The following DCAF16 variants were observed in gnomAD, a reference collection of about 807,000 sequenced individuals.
DCAF16 encodes DDB1- and CUL4-associated factor 16.
In DCAF16, 10 loss-of-function variants were observed where a neutral mutation model predicts 17.3. The ratio of observed to expected loss-of-function variants is 0.58; its 90% CI spans 0.36 to 0.98. The LOEUF (loss-of-function observed/expected upper bound fraction) is 0.98. Among genes scored for constraint, DCAF16 ranks in the 50% least tolerant of loss-of-function variants. The pLI is 0.01. For missense variants in DCAF16, 249 were observed against 247.6 expected (o/e 1.01, Z -0.04); for synonymous variants, 111 against 92.8 (o/e 1.20, Z -1.12).
At chr4:17,793,567 A>G in the DCAF16 span, among the ~76,000 whole-genome samples, 1 of 152,148 alleles carries the variant, frequency 6.6e-6, no homozygotes, top group South Asian at 2.1e-4. Context: ...TAAAAAAAAG[A>G]AGAAGTACAT....
chr4:17,793,817 A>C, the DCAF16 span, among the ~76,000 whole-genome samples: 791 of 152,332 alleles, frequency 5.2e-3, 6 homozygotes, highest in Non-Finnish European at 9.2e-3. Context: ...ACTTATGATT[A>C]GTGCACTCTA....
rs151081110 is a variant in DCAF16 at position 17,807,499 on chromosome 4, C to T, written c.-749-2274G>A. Among the ~76,000 whole-genome samples, 1,007 of 152,238 alleles carry T rather than the reference C, an allele frequency of 6.6e-3. 16 individuals are homozygous for T. The highest frequency in any genetic ancestry group is 0.023 in the African/African-American group (967 of 41,528). On this transcript the variant is annotated intron_variant, in intron 1 of 2. Coordinates refer to ENST00000382247, the MANE Select transcript of DCAF16 (RefSeq NM_017741.4). ...GGGATTGCAGAGTGGAGTAACTGTT[C>T]GGAAGAACAGTCCGGCAGCACTACT...
At chr4:17,807,456 G>A (rs773184981) in intron 1 of DCAF16, among the ~76,000 whole-genome samples, 22 of 152,184 alleles carry the variant, frequency 1.4e-4, no homozygotes, top group Non-Finnish European at 2.4e-4. Flanking sequence ...GTTCTTTTTT[G>A]GAACTGGCAC....
downstream of DCAF16, among the ~76,000 whole-genome samples, chr4:17,797,448 C>G (rs1402349170): frequency 6.6e-6 from 1 of 152,170 alleles, no homozygotes; most frequent in South Asian, 2.1e-4. Context: ...CACAGAAAAA[C>G]TGCATTCAAA....
rs1478006250 is a variant in DCAF16 at position 17,800,822 on chromosome 4, G to C, written c.*2669C>G. 2.0e-5 allele frequency: 3 copies of C among 152,354 alleles called. No individual in the cohort carries two copies. Among genetic ancestry groups the C allele is most frequent in the African/African-American group, 7.3e-5 (3 of 41,336 alleles). The allele number at this position is 152,354 out of a possible 1,614,324, so 9.4% of individuals were successfully genotyped here. A position where few individuals can be genotyped will look rare whatever the true frequency, so the allele number is the denominator to read the frequency against. ...GAACATAAACATATTTTAATATTCA[G>C]ACCTCTTCCCTACCTCCTCCCACCT... is the stretch of plus-strand genomic sequence containing the variant. On this transcript the variant is annotated 3_prime_UTR_variant, in exon 3 of 3. Transcript: ENST00000382247.
chr4:17,802,053 G>A lies in DCAF16; in HGVS notation c.*1438C>T, dbSNP rs1719838372. 7.6e-6 allele frequency: 1 copy of A among 131,934 alleles called. No individual in the cohort carries two copies. Among genetic ancestry groups the A allele is most frequent in the African/African-American group, 2.9e-5 (1 of 34,684 alleles). The allele number at this position is 131,934 out of a possible 1,614,324, so 8.2% of individuals were successfully genotyped here. A position where few individuals can be genotyped will look rare whatever the true frequency, so the allele number is the denominator to read the frequency against. On this transcript the variant is annotated 3_prime_UTR_variant, in exon 3 of 3. Transcript: ENST00000382247. ...GGAGGCAGAGCTTGCAGTGAGCTGA[G>A]ATCATGCCACTACACTCCAGCCTGG...
At position 17,801,390 on chromosome 4, in the gene DCAF16, A is replaced by C. The variant is rs1429204080; in HGVS notation, c.*2101T>G. 6.6e-6 allele frequency: 1 copy of C among 152,274 alleles called. No homozygotes were observed. The highest frequency in any genetic ancestry group is 1.9e-4 in the East Asian group (1 of 5,176). The allele number at this position is 152,274 out of a possible 1,614,324, so 9.4% of individuals were successfully genotyped here. Reference sequence around the variant, plus strand: ...GTGATCCACCTGCCCTCAGCCTCCCAAACTGTTGGGATTACAGGCATGAGC... The same window carrying C: ...GTGATCCACCTGCCCTCAGCCTCCCCAACTGTTGGGATTACAGGCATGAGC... On this transcript the variant is annotated 3_prime_UTR_variant, in exon 3 of 3. Coordinates refer to ENST00000382247, the MANE Select transcript of DCAF16 (RefSeq NM_017741.4).
In DCAF16 at chr4:17,809,047, T is replaced by C. The variant is rs141586705; in HGVS notation, c.-750+1400A>G. ...CTGTCTCAAAATAAAAATAAAAAAATATATATTAGAAACGTCACAAAGCAA... is the reference window on the plus strand; with the variant it reads ...CTGTCTCAAAATAAAAATAAAAAAACATATATTAGAAACGTCACAAAGCAA... On this transcript the variant is annotated intron_variant, in intron 1 of 2. Transcript: ENST00000382247. Among the ~76,000 whole-genome samples, 1,022 of 151,862 alleles carry C rather than the reference T, an allele frequency of 6.7e-3. 16 individuals carry two copies. Among genetic ancestry groups the C allele is most frequent in the African/African-American group, 0.024 (984 of 41,432 alleles).
At chr4:17,808,757 G>A (rs906490340) in intron 1 of DCAF16, among the ~76,000 whole-genome samples, 1 of 152,198 alleles carries the variant, frequency 6.6e-6, no homozygotes, top group East Asian at 1.9e-4. Context: ...AGCCGGGCGC[G>A]GTGGCTCACG....
chr4:17,806,236 T>C (rs1720311947), intron 1 of DCAF16, among the ~76,000 whole-genome samples: 1 of 152,208 alleles, frequency 6.6e-6, no homozygotes, highest in South Asian at 2.1e-4. Context: ...ATAACACTAT[T>C]TGCCATGTAC....
chr4:17,804,925 T>C (rs993581028), intron 2 of DCAF16, among the ~76,000 whole-genome samples, 154 bp from the exon 3 acceptor site: 4 of 152,188 alleles, frequency 2.6e-5, no homozygotes, highest in Non-Finnish European at 5.9e-5. Flanking sequence ...CTGTTGGTAA[T>C]AGCTCTTACA....
rs1278167506 is a variant in DCAF16, at chr4:17,810,568, G to T, written c.-871C>A. 2 of 152,426 alleles carry T rather than the reference G, an allele frequency of 1.3e-5. No homozygotes were observed. Among genetic ancestry groups the T allele is most frequent in the Non-Finnish European group, 2.9e-5 (2 of 68,168 alleles). The allele number at this position is 152,426 out of a possible 1,614,324, so 9.4% of individuals were successfully genotyped here. ...TCTCTCGAAGCGGAGCCCTCGTGTG[G>T]GGATCCCCCGCCCTTCGGCCACAAG... On this transcript the variant is annotated 5_prime_UTR_variant, in exon 1 of 3. Transcript: ENST00000382247.
intron 1 of DCAF16, among the ~76,000 whole-genome samples, chr4:17,806,611 T>C (rs1720349478): frequency 6.6e-6 from 1 of 152,160 alleles, no homozygotes; most frequent in Non-Finnish European, 1.5e-5. Context: ...GGAACAAATA[T>C]CATAAAGATA....
chr4:17,805,470 A>G (rs59352576), intron 1 of DCAF16, among the ~76,000 whole-genome samples: 3,548 of 152,240 alleles, frequency 0.023, 147 homozygotes, highest in African/African-American at 0.081. Context: ...TACCAGAACT[A>G]AAGGAAAAAA....
Position 17,803,520 on chromosome 4 carries a change from C to G in DCAF16, c.622G>C (p.Val208Leu). 1 of 1,614,062 alleles carries G rather than the reference C, an allele frequency of 6.2e-7. No individual in the cohort carries two copies. Among genetic ancestry groups the G allele is most frequent in the Non-Finnish European group, 8.5e-7 (1 of 1,179,918 alleles). ...TYSYTDFQKA[V>L]NKLLTASL ...AGTGATGCAGTTAGGAGTTTGTTAA[C>G]TGCCTTTTGGAAGTCAGTGTAAGAA... Residue 208 changes from valine to leucine, a missense_variant, in exon 3 of 3, where the codon GTT becomes CTT. Coordinates refer to ENST00000382247, the MANE Select transcript of DCAF16 (RefSeq NM_017741.4).
At chr4:17,808,767 G>A (rs1375131002) in intron 1 of DCAF16, among the ~76,000 whole-genome samples, 4 of 152,196 alleles carry the variant, frequency 2.6e-5, no homozygotes, top group Non-Finnish European at 2.9e-5. Context: ...GGTGGCTCAC[G>A]CCTGTAATCC....
chr4:17,799,666 CTT>C (rs11462299), downstream of DCAF16, among the ~76,000 whole-genome samples: 43 of 151,722 alleles, frequency 2.8e-4, no homozygotes, highest in African/African-American at 5.8e-4. Context: ...TCATCAGAGA[CTT>C]TTTTTTTAAA....
In DCAF16 at chr4:17,802,366, T is replaced by C. The variant is rs988141238; in HGVS notation, c.*1125A>G. On this transcript the variant is annotated 3_prime_UTR_variant, in exon 3 of 3. Transcript: ENST00000382247. ...GTGTTTGTTTAATCCCAAGGGATGA[T>C]CTTATAGGCTGATTTAGTCAGAGAC... is the stretch of plus-strand genomic sequence containing the variant. 1.3e-5 allele frequency: 2 copies of C among 152,426 alleles called. No individual in the cohort carries two copies. Among genetic ancestry groups the C allele is most frequent in the African/African-American group, 4.8e-5 (2 of 41,448 alleles). 9.4% of individuals were successfully genotyped at this position (152,426 alleles called of 1,614,324 possible). A position where few individuals can be genotyped will look rare whatever the true frequency, so the allele number is the denominator to read the frequency against.
Position 17,804,010 on chromosome 4 carries a change from G to T in DCAF16, c.132C>A (p.Pro44=), listed in dbSNP as rs773687815. The change falls in exon 3 of 3, where the codon CCC becomes CCA. Residue 44 remains proline, a synonymous_variant. Transcript: ENST00000382247. ...CAAGACTCTCAAGAGGCGATAAGTT[G>T]GGCACCATAGAGTCCTCTTCTTCAG... The part of the protein sequence containing the change: ...DSSEEEDSMV[P]NLSPLESLAW... 3 of 1,614,078 alleles carry T rather than the reference G, an allele frequency of 1.9e-6. No homozygotes were observed. The highest frequency in any genetic ancestry group is 2.2e-5 in the South Asian group (2 of 91,072).
Sources: allele counts gnomAD v4.1 joint callset (sites outside exome capture counted in the v4.1 genomes callset), GRCh38; gene constraint gnomAD v4.1.1; transcripts MANE v1.5; gene names NCBI Gene and HGNC (gene_info 2026-07-23, HGNC 2026-07-21).